Variants in SLC4A4 observed in about 807,000 individuals in gnomAD.
The protein encoded by SLC4A4 is solute carrier family 4 member 4.
Under a neutral mutation model 111.5 loss-of-function variants are expected in SLC4A4, and 27 were observed. The ratio of observed to expected loss-of-function variants is 0.24; its 90% CI spans 0.18 to 0.33. SLC4A4 has a LOEUF of 0.33. Among genes scored for constraint, SLC4A4 ranks in the 10% least tolerant of loss-of-function variants. SLC4A4 has a pLI of 1.00. For synonymous variants in SLC4A4, 443 were observed against 463.4 expected, an observed-to-expected ratio of 0.96 and a Z score of 0.57; for missense variants, 909 against 1,315.5, an observed-to-expected ratio of 0.69 and a Z score of 4.78.
At chr4:71,166,447 T>A (rs1201431689) in intron 2 of SLC4A4, among the ~76,000 whole-genome samples, 1 of 152,046 alleles carries the variant, frequency 6.6e-6, no homozygotes, top group East Asian at 1.9e-4. Context: ...GAAGAGAAAA[T>A]ATGGGGTGTT....
At chr4:71,152,821 C>G (rs1027023308) in intron 2 of SLC4A4, among the ~76,000 whole-genome samples, 3 of 151,640 alleles carry the variant, frequency 2.0e-5, no homozygotes, top group African/African-American at 7.3e-5. Flanking sequence ...CATTTCTCCC[C>G]TCATCTCTAT....
chr4:71,079,753 G>A (rs1364436138), intron 1 of SLC4A4, among the ~76,000 whole-genome samples: 2 of 147,384 alleles, frequency 1.4e-5, no homozygotes, highest in African/African-American at 5.0e-5. Context: ...TCTAGGCTAG[G>A]TGATAGAATG....
intron 10 of SLC4A4, among the ~76,000 whole-genome samples, chr4:71,450,771 G>C (rs1300096066): frequency 6.6e-6 from 1 of 152,116 alleles, no homozygotes; most frequent in Admixed American, 6.5e-5. Flanking sequence ...ATAAATTGGA[G>C]ATCTCAGATT....
intron 2 of SLC4A4, among the ~76,000 whole-genome samples, chr4:71,177,107 C>A (rs909671581): frequency 2.0e-5 from 3 of 152,056 alleles, no homozygotes; most frequent in Admixed American, 2.0e-4. Context: ...GAAATAAAAT[C>A]CTTTACAGAC....
chr4:71,227,292 G>A (rs1719112252), intron 1 of SLC4A4, among the ~76,000 whole-genome samples: 1 of 152,154 alleles, frequency 6.6e-6, no homozygotes, highest in African/African-American at 2.4e-5. Context: ...GGGATGGTAG[G>A]ACCTGAGCTT....
At chr4:71,141,257 T>G (rs987615084) in intron 2 of SLC4A4, among the ~76,000 whole-genome samples, 2 of 152,218 alleles carry the variant, frequency 1.3e-5, no homozygotes, top group Non-Finnish European at 2.9e-5. Context: ...TAAGCTTTCA[T>G]TCTTGCCCCA....
intron 6 of SLC4A4, among the ~76,000 whole-genome samples, chr4:71,377,184 A>G (rs1732486935): frequency 6.6e-6 from 1 of 152,204 alleles, no homozygotes; most frequent in Non-Finnish European, 1.5e-5. Context: ...AATTGTGTAA[A>G]GGTGTTCTGA....
chr4:71,209,925 C>A (rs886608289), intron 1 of SLC4A4, among the ~76,000 whole-genome samples: 4 of 152,080 alleles, frequency 2.6e-5, no homozygotes, highest in African/African-American at 9.7e-5. Context: ...AGGGACTGTT[C>A]CAGTGCTTTT....
chr4:71,556,215 G>C (rs996687673), intron 21 of SLC4A4, among the ~76,000 whole-genome samples: 8 of 151,852 alleles, frequency 5.3e-5, no homozygotes, highest in African/African-American at 1.9e-4. Context: ...AGTAGAGTTC[G>C]TCATCTTTTG....
intron 7 of SLC4A4, among the ~76,000 whole-genome samples, chr4:71,404,542 G>A (rs2148990328): frequency 6.6e-6 from 1 of 152,240 alleles, no homozygotes; most frequent in South Asian, 2.1e-4. Flanking sequence ...CTGCCAGTAT[G>A]CCAATACCAG....
intron 12 of SLC4A4, among the ~76,000 whole-genome samples, chr4:71,454,554 T>C (rs1726051343): frequency 6.6e-6 from 1 of 152,188 alleles, no homozygotes; most frequent in Non-Finnish European, 1.5e-5. Context: ...GCTTATTTTT[T>C]TTTTAAATGC....
chr4:71,481,031 A>G (rs558226309), intron 14 of SLC4A4, among the ~76,000 whole-genome samples: 173 of 151,808 alleles, frequency 1.1e-3, no homozygotes, highest in African/African-American at 3.8e-3. Context: ...TGTGTTTACA[A>G]TTTTGCCTAC....
At chr4:71,288,767 C>A (rs1724112206) in intron 3 of SLC4A4, among the ~76,000 whole-genome samples, 1 of 152,018 alleles carries the variant, frequency 6.6e-6, no homozygotes, top group South Asian at 2.1e-4. Context: ...TCATTTGAGA[C>A]ATTTTGTGTA....
chr4:71,276,032 C>A (rs1046212684), intron 3 of SLC4A4, among the ~76,000 whole-genome samples: 1 of 152,148 alleles, frequency 6.6e-6, no homozygotes, highest in Non-Finnish European at 1.5e-5. Context: ...AGACAATTAG[C>A]AAGCCAGATC....
intron 2 of SLC4A4, among the ~76,000 whole-genome samples, chr4:71,098,652 T>C (rs1742627895): frequency 6.6e-6 from 1 of 152,150 alleles, no homozygotes; most frequent in Non-Finnish European, 1.5e-5. Flanking sequence ...AATGTCCCAC[T>C]TAAATTGTGC....
At chr4:71,432,960 T>G (rs962200658) in intron 7 of SLC4A4, among the ~76,000 whole-genome samples, 1 of 152,112 alleles carries the variant, frequency 6.6e-6, no homozygotes, top group African/African-American at 2.4e-5. Flanking sequence ...ACATTTATAT[T>G]GGATAAGTAT....
At chr4:71,449,010 A>G (rs1047717796) in intron 9 of SLC4A4, among the ~76,000 whole-genome samples, 4 of 152,188 alleles carry the variant, frequency 2.6e-5, no homozygotes, top group African/African-American at 7.2e-5. Flanking sequence ...TTCTCCTAAG[A>G]TGTATCAATT....
chr4:71,164,713 TA>T (rs1461451365), intron 2 of SLC4A4, among the ~76,000 whole-genome samples: 1 of 151,966 alleles, frequency 6.6e-6, no homozygotes, highest in Non-Finnish European at 1.5e-5. Context: ...GGGATCTAAT[TA>T]AACTAAAGAG....
intron 5 of SLC4A4, among the ~76,000 whole-genome samples, chr4:71,353,173 C>G (rs912472853): frequency 6.6e-6 from 1 of 152,164 alleles, no homozygotes; most frequent in Non-Finnish European, 1.5e-5. Flanking sequence ...TTTTTCGTTA[C>G]TTTTTATTAT....
Sources: gnomAD v4.1 joint callset for allele counts (sites outside exome capture counted in the v4.1 genomes callset) on GRCh38, gnomAD v4.1.1 for gene constraint, MANE v1.5 for transcripts, NCBI Gene and HGNC (gene_info 2026-07-23, HGNC 2026-07-21) for gene names.